Variants in ATG12 observed in about 807,000 individuals in gnomAD.
ATG12 encodes the protein autophagy related 12.
A neutral mutation model predicts 17.6 loss-of-function variants in ATG12; 19 were observed. That is an observed-to-expected ratio of 1.08 (90% CI 0.75 to 1.58). The LOEUF (loss-of-function observed/expected upper bound fraction) is 1.58. ATG12 is among the 40% of genes most tolerant of loss of function. The probability of loss-of-function intolerance (pLI) is 0.00; values close to 1 mark genes in which losing one functional copy is unlikely to be tolerated. For missense variants in ATG12, 214 were observed against 162.0 expected (o/e 1.32, Z -1.74); for synonymous variants, 75 against 62.4 (o/e 1.20, Z -0.95).
In ATG12 at chr5:115,828,740, CTAAT is replaced by C. The variant is rs1246103870; in HGVS notation, c.*3060_*3063del. The C allele has an allele frequency of 1.3e-5, 2 of 152,254 alleles. No individual in the cohort carries two copies. The highest frequency in any genetic ancestry group is 3.4e-3 in the Middle Eastern group (1 of 294). The allele number at this position is 152,254 out of a possible 1,614,324, so 9.4% of individuals were successfully genotyped here. A position where few individuals can be genotyped will look rare whatever the true frequency, so the allele number is the denominator to read the frequency against. On this transcript the variant is annotated 3_prime_UTR_variant, in exon 4 of 4. Transcript: ENST00000509910. ...TTCATTCACTCGATGTGTTACATTA[CTAAT>C]TATTTACATATAAGGAAATGTACTA...
At chr5:115,839,252 T>C (rs1362303422) in intron 1 of ATG12, 3 of 152,118 alleles carry the variant, frequency 2.0e-5, no homozygotes, top group Non-Finnish European at 4.4e-5. Context: ...GTATTAAATA[T>C]TGGGGCCAAA....
At chr5:115,840,532 AG>A in intron 1 of ATG12, 1 of 1,025,076 alleles carries the variant, frequency 9.8e-7, no homozygotes, top group Non-Finnish European at 1.3e-6. Flanking sequence ...TCTTGACCTC[AG>A]GTGATCCACC....
chr5:115,841,351 G>C (rs1481902045), intron 1 of ATG12, 39 bp downstream of exon 1: 2 of 1,608,440 alleles, frequency 1.2e-6, no homozygotes, highest in Admixed American at 3.4e-5. Context: ...GATGCAATCT[G>C]AACCTCCCGC....
chr5:115,837,454 A>T (rs1761152176), intron 2 of ATG12, among the ~76,000 whole-genome samples, 174 bp downstream of exon 2: 1 of 152,032 alleles, frequency 6.6e-6, no homozygotes, highest in African/African-American at 2.4e-5. Context: ...CCTGGGCAAC[A>T]GAGCGAGACT....
At position 115,837,758 on chromosome 5, in the gene ATG12, A is replaced by G. The variant is rs770281387; in HGVS notation, c.170T>C (p.Ile57Thr). 6.3e-7 allele frequency: 1 copy of G among 1,598,278 alleles called. No individual in the cohort carries two copies. The part of the protein sequence containing the change: ...PAGDTKKKID[I>T]LLKAVGDTPI... Reference sequence around the variant, plus strand: ...AGTGTCTCCCACAGCCTTTAGCAAAATGTCAACTGTAAAAGAAGAATAAAA... The same window carrying G: ...AGTGTCTCCCACAGCCTTTAGCAAAGTGTCAACTGTAAAAGAAGAATAAAA... The change falls in exon 2 of 4, where the codon ATT (isoleucine) becomes ACT (threonine). Residue 57 changes from isoleucine to threonine, a missense_variant. Physicochemically the swap from Ile to Thr is moderately conservative, Grantham distance 89. Coordinates refer to ENST00000509910, the MANE Select transcript of ATG12 (RefSeq NM_004707.4).
chr5:115,833,844 C>T (rs1293730200), intron 2 of ATG12: 1 of 152,004 alleles, frequency 6.6e-6, no homozygotes, highest in African/African-American at 2.4e-5. Context: ...TGAGCAAATC[C>T]AGATTTTACT....
chr5:115,836,172 C>T lies in ATG12; in HGVS notation c.300+1456G>A, dbSNP rs114343191. 1.4e-3 allele frequency among the ~76,000 whole-genome samples: 214 copies of T among 152,052 alleles called. 2 individuals are homozygous for T. Among genetic ancestry groups the T allele is most frequent in the African/African-American group, 5.0e-3 (207 of 41,458 alleles). On this transcript the variant is annotated intron_variant, in intron 2 of 3. Coordinates refer to ENST00000509910, the MANE Select transcript of ATG12 (RefSeq NM_004707.4). ...TTCACTACAGAGGATTTAATTTAAC[C>T]CTTATGAAATTGTTTTCATAGGGTA... is the stretch of plus-strand genomic sequence containing the variant.
At chr5:115,832,450 C>G in intron 3 of ATG12, 152 bp downstream of exon 3, 1 of 910,532 alleles carries the variant, frequency 1.1e-6, no homozygotes, top group Non-Finnish European at 1.5e-6. Context: ...CTTTTCTACC[C>G]CAGAAAATTA....
intron 2 of ATG12, chr5:115,833,201 CTCAATGTT>C (rs1456212223): frequency 6.6e-6 from 1 of 152,064 alleles, no homozygotes; most frequent in Non-Finnish European, 1.5e-5. Context: ...GGATTCACTG[CTCAATGTT>C]TCAGTTTAGT....
chr5:115,832,759 T>C (rs1760940755), intron 2 of ATG12, 95 bp from the exon 3 acceptor site: 5 of 1,220,786 alleles, frequency 4.1e-6, no homozygotes, highest in Non-Finnish European at 5.5e-6. Context: ...TTGTATTGTT[T>C]TCACAATTGA....
chr5:115,840,628 G>A (rs146435206), intron 1 of ATG12: 1 of 1,266,212 alleles, frequency 7.9e-7, no homozygotes, highest in Non-Finnish European at 1.0e-6. Context: ...GACAGAACGG[G>A]GAAAACGTCT....
At chr5:115,839,642 G>T (rs918711779) in intron 1 of ATG12, 1 of 152,136 alleles carries the variant, frequency 6.6e-6, no homozygotes, top group Non-Finnish European at 1.5e-5. Context: ...TCTGAACCCG[G>T]ATACACATTA....
chr5:115,834,749 T>C (rs1002003074), intron 2 of ATG12, among the ~76,000 whole-genome samples: 10 of 152,214 alleles, frequency 6.6e-5, no homozygotes, highest in Non-Finnish European at 1.0e-4. Flanking sequence ...CTGTCAAAGT[T>C]TGACGACAGC....
At chr5:115,840,693 A>C in intron 1 of ATG12, 1 of 1,199,574 alleles carries the variant, frequency 8.3e-7, no homozygotes, top group South Asian at 1.5e-5. Flanking sequence ...CTTTTCCCAT[A>C]GGCAACTCTA....
rs1006631882 is a variant in ATG12, at chr5:115,828,413, G to C, written c.*3391C>G. The C allele has an allele frequency of 5.3e-5, 8 of 152,210 alleles. No homozygotes were observed. Among genetic ancestry groups the C allele is most frequent in the Non-Finnish European group, 8.8e-5 (6 of 68,020 alleles). 9.4% of individuals were successfully genotyped at this position (152,210 alleles called of 1,614,324 possible). A position where few individuals can be genotyped will look rare whatever the true frequency, so the allele number is the denominator to read the frequency against. On this transcript the variant is annotated 3_prime_UTR_variant, in exon 4 of 4. Coordinates refer to ENST00000509910, the MANE Select transcript of ATG12 (RefSeq NM_004707.4). ...TTCCCCACAACTCTGCTAATAGCAAGATGTACATTATTTTTATTGTCAGTC... is the reference window on the plus strand; with the variant it reads ...TTCCCCACAACTCTGCTAATAGCAACATGTACATTATTTTTATTGTCAGTC...
chr5:115,837,897 G>A (rs1298634495), intron 1 of ATG12, 133 bp from the exon 2 acceptor site: 6 of 727,242 alleles, frequency 8.3e-6, no homozygotes, highest in Non-Finnish European at 8.1e-6. Flanking sequence ...AGATATGTGA[G>A]AGATGTAAAA....
At chr5:115,840,775 T>C in intron 1 of ATG12, 1 of 1,183,638 alleles carries the variant, frequency 8.4e-7, no homozygotes, top group Non-Finnish European at 1.1e-6. Flanking sequence ...TCTCAAGCAA[T>C]AAAGGGTTGA....
intron 2 of ATG12, chr5:115,833,478 TGTG>T (rs1283365347): frequency 1.3e-5 from 2 of 152,022 alleles, no homozygotes; most frequent in Admixed American, 6.6e-5. Flanking sequence ...GCCAATATAG[TGTG>T]GTGATTAAGT....
In ATG12 at chr5:115,828,559, T is replaced by C. The variant is rs1319765824; in HGVS notation, c.*3245A>G. ...TATGTTTTGCCTATTTTTCAGTTGGTCTTTTCTTACCAATTGAAACAAATT... is the reference window on the plus strand; with the variant it reads ...TATGTTTTGCCTATTTTTCAGTTGGCCTTTTCTTACCAATTGAAACAAATT... On this transcript the variant is annotated 3_prime_UTR_variant, in exon 4 of 4. Coordinates refer to ENST00000509910, the MANE Select transcript of ATG12 (RefSeq NM_004707.4). The C allele has an allele frequency of 6.6e-6, 1 of 152,212 alleles. No individual in the cohort carries two copies. The highest frequency in any genetic ancestry group is 1.5e-5 in the Non-Finnish European group (1 of 68,018). 9.4% of individuals were successfully genotyped at this position (152,212 alleles called of 1,614,324 possible). A position where few individuals can be genotyped will look rare whatever the true frequency, so the allele number is the denominator to read the frequency against.
Sources: allele counts gnomAD v4.1 joint callset (sites outside exome capture counted in the v4.1 genomes callset), GRCh38; gene constraint gnomAD v4.1.1; transcripts MANE v1.5; gene names NCBI Gene and HGNC (gene_info 2026-07-23, HGNC 2026-07-21).